Variants in EDIL3 observed in about 807,000 individuals in gnomAD.
EDIL3 encodes the protein EGF-like repeat and discoidin I-like domain-containing protein 3.
EDIL3 carries 37 observed loss-of-function variants against 67.4 expected under a neutral mutation model. That is an observed-to-expected ratio of 0.55 (90% CI 0.42 to 0.72). EDIL3 has a LOEUF of 0.72. Among genes scored for constraint, EDIL3 ranks in the 30% least tolerant of loss-of-function variants. EDIL3 has a pLI of 0.00. For missense variants in EDIL3, 527 were observed against 586.3 expected (o/e 0.90, Z 1.04); for synonymous variants, 195 against 196.3 (o/e 0.99, Z 0.05).
intron 9 of EDIL3, chr5:84,047,649 G>A (rs1746247300): frequency 6.6e-6 from 1 of 152,042 alleles, no homozygotes; most frequent in African/African-American, 2.4e-5. Context: ...TTACTTGTGT[G>A]AGGAATTTTA....
intron 9 of EDIL3, among the ~76,000 whole-genome samples, chr5:84,043,208 T>C (rs1746162611): frequency 6.6e-6 from 1 of 152,212 alleles, no homozygotes; most frequent in African/African-American, 2.4e-5. Context: ...TCTCAGAAAG[T>C]AAAAGTGTTC....
chr5:84,089,909 T>C (rs1204167131), intron 6 of EDIL3, among the ~76,000 whole-genome samples: 1 of 152,220 alleles, frequency 6.6e-6, no homozygotes, highest in African/African-American at 2.4e-5. Context: ...CTAAACCATC[T>C]TTAATAATTA....
At chr5:84,370,007 A>G (rs967361516) in intron 1 of EDIL3, among the ~76,000 whole-genome samples, 2 of 152,178 alleles carry the variant, frequency 1.3e-5, no homozygotes, top group Non-Finnish European at 2.9e-5. Flanking sequence ...AACAACGATA[A>G]TTGCCAAAGC....
intron 9 of EDIL3, among the ~76,000 whole-genome samples, chr5:84,032,567 G>A (rs1561409351): frequency 1.3e-5 from 2 of 151,906 alleles, no homozygotes; most frequent in Non-Finnish European, 2.9e-5. Flanking sequence ...CTTAATTTAT[G>A]AGTCACACAG....
At chr5:84,317,520 T>C (rs530548745) in intron 1 of EDIL3, among the ~76,000 whole-genome samples, 59 of 152,192 alleles carry the variant, frequency 3.9e-4, no homozygotes, top group Middle Eastern at 3.4e-3. Flanking sequence ...CCTCGACACA[T>C]ACACCCTCCC....
At chr5:84,309,352 A>G (rs895413800) in intron 1 of EDIL3, among the ~76,000 whole-genome samples, 15 of 20,120 alleles carry the variant, frequency 7.5e-4, no homozygotes, top group African/African-American at 3.4e-3. Context: ...CTTTTTTTTT[A>G]TTATTATACT....
At chr5:84,205,313 A>T (rs1743947190) in intron 3 of EDIL3, among the ~76,000 whole-genome samples, 2 of 152,178 alleles carry the variant, frequency 1.3e-5, no homozygotes, top group Admixed American at 1.3e-4. Context: ...AGACACCCCT[A>T]AAATACATTA....
intron 3 of EDIL3, among the ~76,000 whole-genome samples, chr5:84,206,547 G>A (rs1011301480): frequency 3.3e-5 from 5 of 152,106 alleles, no homozygotes; most frequent in Admixed American, 3.3e-4. Context: ...CTCATTTTAT[G>A]AGGCCAGCAT....
At chr5:84,202,986 T>G (rs541130269) in intron 3 of EDIL3, among the ~76,000 whole-genome samples, 2 of 152,064 alleles carry the variant, frequency 1.3e-5, no homozygotes, top group African/African-American at 4.8e-5. Context: ...GCAAGGAGAC[T>G]GGAAAGACTA....
intron 9 of EDIL3, among the ~76,000 whole-genome samples, chr5:83,982,315 T>C (rs1354240905): frequency 6.6e-6 from 1 of 152,088 alleles, no homozygotes; most frequent in East Asian, 1.9e-4. Flanking sequence ...AATTAATATA[T>C]CAATTAATAA....
intron 1 of EDIL3, among the ~76,000 whole-genome samples, chr5:84,382,097 T>A (rs1748087988): frequency 6.6e-6 from 1 of 152,030 alleles, no homozygotes; most frequent in African/African-American, 2.4e-5. Context: ...GGAGAAAAAA[T>A]TAGAGAGGTG....
intron 1 of EDIL3, among the ~76,000 whole-genome samples, chr5:84,266,202 C>G (rs1745341621): frequency 6.6e-6 from 1 of 152,186 alleles, no homozygotes. Flanking sequence ...CCCATTGCCT[C>G]TATTCTATCA....
At chr5:84,238,049 CTG>C (rs1744713335) in intron 2 of EDIL3, among the ~76,000 whole-genome samples, 1 of 151,912 alleles carries the variant, frequency 6.6e-6, no homozygotes, top group Non-Finnish European at 1.5e-5. Flanking sequence ...TCTGTGTCTT[CTG>C]AGATATAAAT....
chr5:83,971,685 CCTTTA>C (rs1267827097), intron 9 of EDIL3, among the ~76,000 whole-genome samples: 2 of 151,848 alleles, frequency 1.3e-5, no homozygotes, highest in East Asian at 3.9e-4. Flanking sequence ...GTTTTCCCTT[CCTTTA>C]CTTAACTTGA....
At chr5:84,139,276 C>T (rs1004390985) in intron 4 of EDIL3, among the ~76,000 whole-genome samples, 4 of 128,290 alleles carry the variant, frequency 3.1e-5, no homozygotes, top group Non-Finnish European at 6.4e-5. Flanking sequence ...ATATTTGATA[C>T]TGAACCTGTA....
chr5:84,219,242 T>C (rs1467803618), intron 3 of EDIL3, among the ~76,000 whole-genome samples: 1 of 152,004 alleles, frequency 6.6e-6, no homozygotes, highest in Non-Finnish European at 1.5e-5. Flanking sequence ...ACCATACAAG[T>C]CAATAATGAG....
chr5:84,093,478 A>G (rs1747204404), intron 6 of EDIL3, among the ~76,000 whole-genome samples: 1 of 152,142 alleles, frequency 6.6e-6, no homozygotes, highest in African/African-American at 2.4e-5. Flanking sequence ...AGAGAAGGGA[A>G]TGATGGGGCT....
chr5:84,058,240 C>G (rs1223301764), intron 9 of EDIL3, among the ~76,000 whole-genome samples: 2 of 151,768 alleles, frequency 1.3e-5, no homozygotes, highest in African/African-American at 2.4e-5. Flanking sequence ...CCAAATCATG[C>G]AAAAAACTCT....
chr5:84,193,088 T>G (rs1235470056), intron 3 of EDIL3, among the ~76,000 whole-genome samples: 1 of 151,972 alleles, frequency 6.6e-6, no homozygotes, highest in Non-Finnish European at 1.5e-5. Flanking sequence ...AAAGGCCATG[T>G]ATTTAAGAAA....
Sources: allele counts gnomAD v4.1 joint callset (sites outside exome capture counted in the v4.1 genomes callset), GRCh38; gene constraint gnomAD v4.1.1; transcripts MANE v1.5; gene names NCBI Gene and HGNC (gene_info 2026-07-23, HGNC 2026-07-21).